The following SEC24D variants were observed in gnomAD, a reference collection of about 807,000 sequenced individuals.
SEC24D encodes the protein SEC24 homolog D, COPII component.
In SEC24D, 69 loss-of-function variants were observed where a neutral mutation model predicts 116.9. That is an observed-to-expected ratio of 0.59 (90% CI 0.49 to 0.72). The LOEUF is 0.72. Among genes scored for constraint, SEC24D ranks in the 30% least tolerant of loss-of-function variants. The pLI is 0.00. For synonymous variants in SEC24D, 405 were observed against 442.8 expected (o/e 0.91, Z 1.07); for missense variants, 1,131 against 1,264.1 (o/e 0.89, Z 1.60).
At chr4:118,825,382 C>T (rs1031136681) in intron 2 of SEC24D, 18 of 345,826 alleles carry the variant, frequency 5.2e-5, no homozygotes, top group South Asian at 1.2e-4. Flanking sequence ...ATGCAGTTAA[C>T]GGATGCTTCT....
intron 8 of SEC24D, among the ~76,000 whole-genome samples, chr4:118,782,820 C>T (rs1269336130): frequency 6.6e-6 from 1 of 152,166 alleles, no homozygotes; most frequent in Non-Finnish European, 1.5e-5. Context: ...GTACAACCCT[C>T]CCCCCTGCCA....
At position 118,833,563 on chromosome 4, in the gene SEC24D, A is replaced by C; in HGVS notation, c.118+16T>G. On this transcript the variant is annotated intron_variant, in intron 2 of 22. Transcript: ENST00000280551. ...GAACTGAATAATCACATACAAGTCAAAATAACACACTGTACCTGTTGGAGA... is the reference window on the plus strand; with the variant it reads ...GAACTGAATAATCACATACAAGTCACAATAACACACTGTACCTGTTGGAGA... The C allele has an allele frequency of 6.4e-7, 1 of 1,552,686 alleles. No individual in the cohort carries two copies. The highest frequency in any genetic ancestry group is 1.4e-5 in the African/African-American group (1 of 73,536).
In SEC24D at chr4:118,764,821, G is replaced by A. The variant is rs1483580165; in HGVS notation, c.1277C>T (p.Ala426Val). Residue 426 changes from alanine (A) to valine (V), a missense_variant, in exon 10 of 23, where the codon GCC (alanine) becomes GTC (valine). Transcript: ENST00000280551. ...ACTTACTCTGCAATAATCCAAAGTGGCAACATATTCATAAGATCCTAGAGA... is the reference window on the plus strand; with the variant it reads ...ACTTACTCTGCAATAATCCAAAGTGACAACATATTCATAAGATCCTAGAGA... ...ELSLGSYEYV[A>V]TLDYCRKSKP... 6.3e-7 allele frequency: 1 copy of A among 1,593,962 alleles called. No individual in the cohort carries two copies. The highest frequency in any genetic ancestry group is 8.6e-7 in the Non-Finnish European group (1 of 1,162,386).
chr4:118,750,155 G>C (rs1317427423), intron 13 of SEC24D, among the ~76,000 whole-genome samples: 1 of 152,186 alleles, frequency 6.6e-6, no homozygotes, highest in Admixed American at 6.5e-5. Flanking sequence ...CTAGTAAACT[G>C]GCTGATGGCT....
rs1175011702 is a variant in SEC24D at position 118,731,546 on chromosome 4, T to C, written c.2677-39A>G. ...GACAAAAGAGTTAGAAACTCCTTTC[T>C]TCCCCTTCCCTTCCCTCCTTCCTCT... On this transcript the variant is annotated intron_variant, in intron 20 of 22. Transcript: ENST00000280551. 4 of 1,557,002 alleles carry C rather than the reference T, an allele frequency of 2.6e-6. No homozygotes were observed. The Admixed American group carries it at 6.7e-5, about 26-fold the overall frequency.
chr4:118,757,954 A>T, intron 10 of SEC24D, 109 bp from the exon 11 acceptor site: 1 of 830,362 alleles, frequency 1.2e-6, no homozygotes, highest in East Asian at 2.7e-5. Context: ...TTTAATATTT[A>T]GGATATACCA....
intron 1 of SEC24D, among the ~76,000 whole-genome samples, chr4:118,834,949 T>C (rs2110548422): frequency 6.6e-6 from 1 of 152,334 alleles, no homozygotes; most frequent in African/African-American, 2.4e-5. Flanking sequence ...TATTAAACTA[T>C]AAGTTTCCAA....
Position 118,815,540 on chromosome 4 carries a change from C to A in SEC24D, c.584G>T (p.Gly195Val). The A allele has an allele frequency of 6.2e-7, 1 of 1,614,118 alleles. No homozygotes were observed. The highest frequency in any genetic ancestry group is 8.5e-7 in the Non-Finnish European group (1 of 1,180,022). Reference protein sequence around the residue: ...PLPLPMYRPDGLSGPPPPNAQ... With the variant: ...PLPLPMYRPDVLSGPPPPNAQ... The stretch of plus-strand genomic sequence containing the variant: ...ATTTGGAGGAGGAGGCCCAGAGAGC[C>A]CATCTGGTCTGTACATTGGTAGAGG... Residue 195 changes from glycine (G) to valine (V), a missense_variant, in exon 5 of 23, where the codon GGG (glycine) becomes GTG (valine). Physicochemically the swap from Gly to Val is moderately radical, Grantham distance 109. Coordinates refer to ENST00000280551, the MANE Select transcript of SEC24D (RefSeq NM_014822.4).
chr4:118,767,358 T>C (rs1014028571), intron 9 of SEC24D, among the ~76,000 whole-genome samples: 3 of 152,228 alleles, frequency 2.0e-5, no homozygotes, highest in African/African-American at 7.2e-5. Flanking sequence ...GGTAGAACCA[T>C]GTGTTCACAG....
chr4:118,812,829 AGTCACCTATAGACG>A (rs1329818294), intron 6 of SEC24D, among the ~76,000 whole-genome samples: 1 of 152,194 alleles, frequency 6.6e-6, no homozygotes, highest in African/African-American at 2.4e-5. Context: ...GGTTAATACA[AGTCACCTATAGACG>A]GCAAACTAAA....
chr4:118,829,689 G>A, intron 2 of SEC24D, among the ~76,000 whole-genome samples: 1 of 152,086 alleles, frequency 6.6e-6, no homozygotes, highest in East Asian at 1.9e-4. Context: ...GCGCATGCCT[G>A]TAATCTCAGC....
At chr4:118,727,098 T>TTG (rs1225528847) in intron 22 of SEC24D, among the ~76,000 whole-genome samples, 11 of 152,224 alleles carry the variant, frequency 7.2e-5, no homozygotes, top group Non-Finnish European at 1.5e-4. Flanking sequence ...GTGAGCTCCT[T>TTG]TGAGCCTCAC....
At chr4:118,808,553 G>A (rs1055101344) in intron 6 of SEC24D, among the ~76,000 whole-genome samples, 9 of 152,172 alleles carry the variant, frequency 5.9e-5, no homozygotes, top group African/African-American at 1.4e-4. Flanking sequence ...GATTAAAGTC[G>A]TTCTGATAAT....
chr4:118,830,053 G>A (rs1488622179), intron 2 of SEC24D, among the ~76,000 whole-genome samples: 4 of 152,316 alleles, frequency 2.6e-5, no homozygotes, highest in Non-Finnish European at 5.9e-5. Flanking sequence ...GGTATCTAAG[G>A]TTATTCAGCA....
At position 118,805,960 on chromosome 4, in the gene SEC24D, A is replaced by C; in HGVS notation, c.802-6T>G. 6.3e-7 allele frequency: 1 copy of C among 1,576,880 alleles called. No individual in the cohort carries two copies. The highest frequency in any genetic ancestry group is 8.7e-7 in the Non-Finnish European group (1 of 1,153,434). On this transcript the variant is annotated splice_region_variant and splice_polypyrimidine_tract_variant and intron_variant, in intron 6 of 22. Coordinates refer to ENST00000280551, the MANE Select transcript of SEC24D (RefSeq NM_014822.4). ...TCATTCTCAATCACCTGGATCTGAT[A>C]AATAAGACATCAAGAGCCCGTTAAA...
Position 118,743,994 on chromosome 4 carries a change from ATTG to A in SEC24D, c.1986_1988del (p.Asn663del), listed in dbSNP as rs780973383. On this transcript the variant is annotated inframe_deletion, in exon 15 of 23. Coordinates refer to ENST00000280551, the MANE Select transcript of SEC24D (RefSeq NM_014822.4). The stretch of plus-strand genomic sequence containing the variant: ...ACAAATTGCTGGCATTTACCTGGAA[ATTG>A]TTGTATTTGTAAAGGGTTCCTCCAG... 1.1e-5 allele frequency: 17 copies of A among 1,595,292 alleles called. No homozygotes were observed. The highest frequency in any genetic ancestry group is 6.9e-5 in the South Asian group (6 of 87,384).
intron 7 of SEC24D, among the ~76,000 whole-genome samples, chr4:118,803,270 A>G (rs957770906): frequency 2.0e-5 from 3 of 152,232 alleles, no homozygotes; most frequent in Non-Finnish European, 4.4e-5. Context: ...TGTTATATAT[A>G]TAGATTTGAC....
intron 8 of SEC24D, among the ~76,000 whole-genome samples, chr4:118,771,415 T>C (rs1727895877): frequency 6.6e-6 from 1 of 152,324 alleles, no homozygotes; most frequent in South Asian, 2.1e-4. Flanking sequence ...GTTCTGGCCC[T>C]GTGTGGCCTG....
intron 2 of SEC24D, 79 bp from the exon 3 acceptor site, chr4:118,824,828 G>C (rs1038299419): frequency 6.1e-6 from 8 of 1,303,310 alleles, no homozygotes; most frequent in African/African-American, 1.5e-5. Context: ...TTAAAAATGA[G>C]AACTAGGTGG....
Sources: allele counts gnomAD v4.1 joint callset (sites outside exome capture counted in the v4.1 genomes callset), GRCh38; gene constraint gnomAD v4.1.1; transcripts MANE v1.5; gene names NCBI Gene and HGNC (gene_info 2026-07-23, HGNC 2026-07-21).